Variants in ADCY2 observed in about 807,000 individuals in gnomAD.
ADCY2 encodes the protein adenylate cyclase 2, also known as adenylate cyclase type 2.
In ADCY2, 31 loss-of-function variants were observed where a neutral mutation model predicts 125.2. The ratio of observed to expected loss-of-function variants is 0.25; its 90% CI spans 0.19 to 0.33. The LOEUF is 0.33. Among genes scored for constraint, ADCY2 ranks in the 10% least tolerant of loss-of-function variants. ADCY2 has a pLI of 1.00. For missense variants in ADCY2, 904 were observed against 1,418.2 expected (o/e 0.64, Z 5.82); for synonymous variants, 512 against 548.4 (o/e 0.93, Z 0.93).
intron 1 of ADCY2, among the ~76,000 whole-genome samples, chr5:7,399,037 C>T (rs1229543387): frequency 6.6e-6 from 1 of 152,194 alleles, no homozygotes; most frequent in Non-Finnish European, 1.5e-5. Context: ...TCAGAGAGGT[C>T]TACCTTGGGA....
intron 2 of ADCY2, among the ~76,000 whole-genome samples, chr5:7,509,890 C>T (rs1357743567): frequency 2.0e-5 from 3 of 151,946 alleles, no homozygotes. Context: ...CAAGAATTTC[C>T]AATTATGCTT....
At chr5:7,765,979 C>T (rs1271457979) in intron 16 of ADCY2, among the ~76,000 whole-genome samples, 1 of 152,190 alleles carries the variant, frequency 6.6e-6, no homozygotes, top group East Asian at 1.9e-4. Context: ...AAGAGAGATA[C>T]ACATTTCTAC....
At chr5:7,690,076 A>G (rs543547842) in intron 4 of ADCY2, among the ~76,000 whole-genome samples, 1 of 152,338 alleles carries the variant, frequency 6.6e-6, no homozygotes, top group African/African-American at 2.4e-5. Context: ...GTACTCAAAA[A>G]GCTCATATGT....
At chr5:7,416,519 A>C (rs1367000249) in intron 2 of ADCY2, among the ~76,000 whole-genome samples, 1 of 152,208 alleles carries the variant, frequency 6.6e-6, no homozygotes, top group Non-Finnish European at 1.5e-5. Context: ...AAAATACTAC[A>C]TAACAATAAG....
chr5:7,708,124 G>A, intron 9 of ADCY2: 1 of 247,170 alleles, frequency 4.0e-6, no homozygotes, highest in South Asian at 1.2e-4. Context: ...GGTGGATGCT[G>A]CATCTGAAAG....
At chr5:7,766,924 A>G (rs1743401214) in intron 17 of ADCY2, 118 bp downstream of exon 17, 11 of 1,296,368 alleles carry the variant, frequency 8.5e-6, no homozygotes, top group Non-Finnish European at 1.0e-5. Context: ...TCTGGTATCA[A>G]TCCCTGAGTG....
intron 22 of ADCY2, among the ~76,000 whole-genome samples, chr5:7,813,348 T>C (rs1342760632): frequency 6.6e-6 from 1 of 152,200 alleles, no homozygotes; most frequent in Non-Finnish European, 1.5e-5. Flanking sequence ...TATTTTAGCC[T>C]AAAAAATTAC....
At chr5:7,412,981 T>C (rs1400484761) in intron 1 of ADCY2, among the ~76,000 whole-genome samples, 5 of 151,908 alleles carry the variant, frequency 3.3e-5, no homozygotes, top group Non-Finnish European at 7.3e-5. Flanking sequence ...TTGTTCCTCT[T>C]GCCTCTTTCC....
intron 1 of ADCY2, among the ~76,000 whole-genome samples, chr5:7,406,769 G>GT (rs1002245275): frequency 1.4e-4 from 21 of 151,928 alleles, no homozygotes; most frequent in Non-Finnish European, 2.8e-4. Flanking sequence ...GTTCAGGTTA[G>GT]TTTTTTTTGA....
intron 3 of ADCY2, among the ~76,000 whole-genome samples, chr5:7,595,472 CAT>C (rs1450018857): frequency 6.6e-6 from 1 of 152,096 alleles, no homozygotes; most frequent in Non-Finnish European, 1.5e-5. Context: ...TTTTTAAAAA[CAT>C]AGCATGAACC....
chr5:7,631,581 G>A (rs1738312161), intron 4 of ADCY2, among the ~76,000 whole-genome samples: 1 of 152,186 alleles, frequency 6.6e-6, no homozygotes, highest in Non-Finnish European at 1.5e-5. Context: ...AAAAAGAGTA[G>A]GAACAACTTT....
intron 21 of ADCY2, among the ~76,000 whole-genome samples, chr5:7,803,162 G>A (rs771660282): frequency 3.3e-5 from 5 of 152,110 alleles, no homozygotes; most frequent in African/African-American, 9.7e-5. Flanking sequence ...TCATGGTGAC[G>A]TAATGACCGT....
chr5:7,491,223 G>C (rs1016745174), intron 2 of ADCY2, among the ~76,000 whole-genome samples: 2 of 151,722 alleles, frequency 1.3e-5, no homozygotes, highest in Non-Finnish European at 2.9e-5. Context: ...TCACATATCT[G>C]TGCTTGGTTC....
At chr5:7,599,076 C>A (rs1462467374) in intron 3 of ADCY2, among the ~76,000 whole-genome samples, 2 of 152,054 alleles carry the variant, frequency 1.3e-5, no homozygotes, top group Non-Finnish European at 2.9e-5. Context: ...TAGGGACAGC[C>A]AAGGGGCAGG....
At chr5:7,549,566 A>T (rs2126571856) in intron 3 of ADCY2, among the ~76,000 whole-genome samples, 1 of 152,306 alleles carries the variant, frequency 6.6e-6, no homozygotes, top group East Asian at 1.9e-4. Context: ...CACTTTCACA[A>T]GCAAGTGCTC....
chr5:7,559,601 T>A lies in ADCY2; in HGVS notation c.570+38702T>A, dbSNP rs549451865. On this transcript the variant is annotated intron_variant, in intron 3 of 24. Coordinates refer to ENST00000338316, the MANE Select transcript of ADCY2 (RefSeq NM_020546.3). ...CTGAGTCTGTGGGGTTTCCTAGATA[T>A]ACGATCATGTTGTCTGCAAACAGGG... Among the ~76,000 whole-genome samples the A allele has an allele frequency of 2.0e-5, 3 of 152,320 alleles. No individual in the cohort carries two copies. In the East Asian group the frequency reaches 5.8e-4, roughly 29 times the overall value.
chr5:7,621,389 A>T (rs535080396), intron 3 of ADCY2, among the ~76,000 whole-genome samples: 1 of 152,386 alleles, frequency 6.6e-6, no homozygotes, highest in East Asian at 1.9e-4. Flanking sequence ...TTTCTTAAAA[A>T]ATAACATGTG....
Position 7,820,559 on chromosome 5 carries a change from G to A in ADCY2, c.2999-6G>A. The A allele has an allele frequency of 1.9e-6, 3 of 1,613,510 alleles. No individual in the cohort carries two copies. The stretch of plus-strand genomic sequence containing the variant: ...ATCTTGCTAACTCAACTCTGATGTG[G>A]CACAGGTATTAACCATGGACCTGTG... On this transcript the variant is annotated splice_polypyrimidine_tract_variant and splice_region_variant and intron_variant, in intron 23 of 24. Transcript: ENST00000338316.
rs149136075 is a variant in ADCY2, at chr5:7,478,076, G to A, written c.409-42662G>A. ...ATTGGTTGATAAAAGTGACAGTGGT[G>A]TGGTATTTCTGTAACTTTGTACATT... On this transcript the variant is annotated intron_variant, in intron 2 of 24. Transcript: ENST00000338316. 3.3e-4 allele frequency among the ~76,000 whole-genome samples: 51 copies of A among 152,310 alleles called. No homozygotes were observed. The East Asian group carries it at 9.5e-3, about 28-fold the overall frequency.
Sources: allele counts gnomAD v4.1 joint callset (sites outside exome capture counted in the v4.1 genomes callset), GRCh38; gene constraint gnomAD v4.1.1; transcripts MANE v1.5; gene names NCBI Gene and HGNC (gene_info 2026-07-23, HGNC 2026-07-21).